The following KCNH7 variants were observed in gnomAD, a reference collection of about 807,000 sequenced individuals.
KCNH7 encodes the protein voltage-gated inwardly rectifying potassium channel KCNH7.
KCNH7 carries 49 observed loss-of-function variants against 120.8 expected under a neutral mutation model. The ratio of observed to expected loss-of-function variants is 0.41; its 90% CI spans 0.32 to 0.51. The LOEUF is 0.51. Ranked by LOEUF, KCNH7 falls within the 20% of genes least tolerant of loss-of-function variation. The pLI, the probability that KCNH7 is intolerant of heterozygous loss-of-function variation, is 0.38. For synonymous variants in KCNH7, 547 were observed against 516.1 expected (o/e 1.06, Z -0.81); for missense variants, 1,097 against 1,446.6 (o/e 0.76, Z 3.92).
intron 2 of KCNH7, among the ~76,000 whole-genome samples, chr2:162,659,862 A>G (rs1018576238): frequency 1.3e-5 from 2 of 152,122 alleles, no homozygotes; most frequent in Admixed American, 6.5e-5. Flanking sequence ...GAATTGTTAT[A>G]ATTTCTTCCT....
At chr2:162,483,041 TA>T (rs1397975724) in intron 6 of KCNH7, among the ~76,000 whole-genome samples, 1 of 152,134 alleles carries the variant, frequency 6.6e-6, no homozygotes, top group East Asian at 1.9e-4. Flanking sequence ...GGACCCCTAT[TA>T]ATAAGGAATT....
chr2:162,728,170 CT>C (rs71009369), intron 2 of KCNH7, among the ~76,000 whole-genome samples: 3,662 of 142,714 alleles, frequency 0.026, 45 homozygotes, highest in South Asian at 0.038. Flanking sequence ...ACTTAATCAG[CT>C]TTTTTTTTTT....
intron 2 of KCNH7, among the ~76,000 whole-genome samples, chr2:162,724,671 C>CAAAA (rs71009368): frequency 0.2 from 24,450 of 122,614 alleles, 3,327 homozygotes; most frequent in East Asian, 0.44. Context: ...GACTCCGTCT[C>CAAAA]AAAAAAAAAA....
intron 3 of KCNH7, among the ~76,000 whole-genome samples, chr2:162,523,423 T>A (rs1356303119): frequency 1.3e-5 from 2 of 151,900 alleles, no homozygotes; most frequent in Non-Finnish European, 2.9e-5. Flanking sequence ...AAAATTACAA[T>A]GATAACAACT....
chr2:162,682,417 C>CAG lies in KCNH7; in HGVS notation c.308-145339_308-145338dup, dbSNP rs35747306. Among the ~76,000 whole-genome samples, 1,072 of 147,226 alleles carry CAG rather than the reference C, an allele frequency of 7.3e-3. 11 individuals carry two copies. Among genetic ancestry groups the CAG allele is most frequent in the African/African-American group, 0.02 (804 of 40,678 alleles). On this transcript the variant is annotated intron_variant, in intron 2 of 15. Transcript: ENST00000332142. ...GTCTAGTTGTCCTGAGAGACAGAGA[C>CAG]AGAGAGAGAGAGAGAGAGAGAGAGA... is the stretch of plus-strand genomic sequence containing the variant.
intron 3 of KCNH7, among the ~76,000 whole-genome samples, chr2:162,530,472 G>GCACACAAA (rs1553488863): frequency 1.3e-5 from 2 of 149,650 alleles, no homozygotes; most frequent in African/African-American, 4.9e-5. Context: ...GAGCGTGCGC[G>GCACACAAA]CACACACACA....
intron 2 of KCNH7, among the ~76,000 whole-genome samples, chr2:162,753,005 AAAGAAAAGAAAAGAAAAG>A: frequency 5.4e-5 from 8 of 148,274 alleles, no homozygotes; most frequent in African/African-American, 1.5e-4. Flanking sequence ...AAAGAAAAGA[AAAGAAAAGAAAAGAAAAG>A]AAAAGAAACC....
At chr2:162,826,561 C>A (rs925734365) in intron 2 of KCNH7, among the ~76,000 whole-genome samples, 3 of 152,052 alleles carry the variant, frequency 2.0e-5, no homozygotes, top group African/African-American at 4.8e-5. Context: ...TAATTAATTT[C>A]TCAGTTAATA....
chr2:162,770,518 C>T (rs1489068995), intron 2 of KCNH7, among the ~76,000 whole-genome samples: 1 of 151,952 alleles, frequency 6.6e-6, no homozygotes, highest in African/African-American at 2.4e-5. Flanking sequence ...CCTCTTTGAG[C>T]ATCCGTTTCA....
intron 2 of KCNH7, among the ~76,000 whole-genome samples, chr2:162,658,842 AT>A (rs1351850830): frequency 6.6e-6 from 1 of 152,168 alleles, no homozygotes; most frequent in Non-Finnish European, 1.5e-5. Flanking sequence ...CCTTACTATA[AT>A]TGCTTATTAG....
intron 2 of KCNH7, among the ~76,000 whole-genome samples, chr2:162,817,256 T>C (rs1455575819): frequency 6.6e-6 from 1 of 152,218 alleles, no homozygotes; most frequent in Non-Finnish European, 1.5e-5. Context: ...ACTACTGTTT[T>C]GATTTATATC....
chr2:162,804,193 C>T (rs1684450419), intron 2 of KCNH7, among the ~76,000 whole-genome samples: 1 of 151,758 alleles, frequency 6.6e-6, no homozygotes, highest in Admixed American at 6.6e-5. Flanking sequence ...CAAGGATGCC[C>T]ACTTTCACCA....
At chr2:162,524,340 TAATGCTGGATAAGGTAG>T (rs905231755) in intron 3 of KCNH7, among the ~76,000 whole-genome samples, 1 of 151,976 alleles carries the variant, frequency 6.6e-6, no homozygotes, top group Non-Finnish European at 1.5e-5. Context: ...GCAAAGGCCA[TAATGCTGGATAAGGTAG>T]TTTCCTGCCT....
In KCNH7 at chr2:162,396,855, A is replaced by G; in HGVS notation, c.2498T>C (p.Leu833Ser). The G allele has an allele frequency of 6.2e-7, 1 of 1,611,814 alleles. No individual in the cohort carries two copies. The highest frequency in any genetic ancestry group is 8.5e-7 in the Non-Finnish European group (1 of 1,178,606). Residue 833 changes from leucine (L) to serine (S), a missense_variant, in exon 11 of 16, where the codon TTG (leucine) becomes TCG (serine). Coordinates refer to ENST00000332142, the MANE Select transcript of KCNH7 (RefSeq NM_033272.4). ...CAAGTCTTCTCGCTGAATCTTATGC[A>G]AGTCACAGTATGTGAGGGCTCTTAC... Reference protein sequence around the residue: ...ADVRALTYCDLHKIQREDLLE... With the variant: ...ADVRALTYCDSHKIQREDLLE...
At chr2:162,422,009 A>C (rs1422474933) in intron 9 of KCNH7, among the ~76,000 whole-genome samples, 1 of 152,168 alleles carries the variant, frequency 6.6e-6, no homozygotes, top group Non-Finnish European at 1.5e-5. Context: ...GAAATATAGA[A>C]AAGTGATCTC....
intron 8 of KCNH7, 88 bp downstream of exon 8, chr2:162,435,110 T>C (rs1241038681): frequency 4.0e-5 from 50 of 1,246,288 alleles, no homozygotes; most frequent in Non-Finnish European, 5.2e-5. Flanking sequence ...CTGTAATCTT[T>C]TTCTTTGCCT....
intron 6 of KCNH7, among the ~76,000 whole-genome samples, chr2:162,470,623 G>A (rs1159307340): frequency 2.0e-5 from 3 of 151,070 alleles, no homozygotes; most frequent in South Asian, 2.1e-4. Flanking sequence ...GAGGGAGGTG[G>A]GGGGGTCAGC....
At chr2:162,501,865 A>C (rs1574035505) in intron 6 of KCNH7, 1 of 152,190 alleles carries the variant, frequency 6.6e-6, no homozygotes, top group East Asian at 1.9e-4. Flanking sequence ...TTAGGTCTAT[A>C]ATAATATTTT....
At chr2:162,735,768 C>T (rs533875010) in intron 2 of KCNH7, among the ~76,000 whole-genome samples, 3 of 152,286 alleles carry the variant, frequency 2.0e-5, no homozygotes, top group African/African-American at 4.8e-5. Flanking sequence ...ATCCTTCACT[C>T]GGGTGGCCAT....
Sources: allele counts gnomAD v4.1 joint callset (sites outside exome capture counted in the v4.1 genomes callset), GRCh38; gene constraint gnomAD v4.1.1; transcripts MANE v1.5; gene names NCBI Gene and HGNC (gene_info 2026-07-23, HGNC 2026-07-21).